Variants in MS4A6A observed in about 807,000 individuals in gnomAD.
MS4A6A encodes membrane-spanning 4-domains subfamily A member 6A.
MS4A6A carries 19 observed loss-of-function variants against 20.6 expected under a neutral mutation model. The observed-to-expected ratio is 0.92, with a 90% CI of 0.64 to 1.36. MS4A6A has a LOEUF of 1.36. Among genes scored for constraint, MS4A6A ranks in the 40% most tolerant of loss-of-function variants. MS4A6A has a pLI of 0.00. For missense variants in MS4A6A, 272 were observed against 261.1 expected (o/e 1.04, Z -0.29); for synonymous variants, 108 against 105.0 (o/e 1.03, Z -0.17).
Position 60,179,836 on chromosome 11 carries a change from AG to A in MS4A6A, c.276del (p.Phe95LeufsTer15). The A allele has an allele frequency of 6.2e-7, 1 of 1,614,128 alleles. No individual in the cohort carries two copies. The highest frequency in any genetic ancestry group is 8.5e-7 in the Non-Finnish European group (1 of 1,180,022). Reference protein sequence around the residue: ...LLNSAYPFIGPFFFIISGSLS... With the variant: ...LLNSAYPFIGXFFFIISGSLS... ...TCCTCAGAAACTCTACTCACAAAAA[AG>A]GGTCCTATGAATGGGTAAGCAGAGT... is the stretch of plus-strand genomic sequence containing the variant. On this transcript the variant is annotated frameshift_variant, in exon 3 of 6. Coordinates refer to ENST00000528851, the MANE Select transcript of MS4A6A (RefSeq NM_022349.4). LOFTEE classifies it high-confidence loss of function.
chr11:60,180,270 T>C (rs780969894), intron 2 of MS4A6A: 42 of 380,098 alleles, frequency 1.1e-4, no homozygotes, highest in Non-Finnish European at 1.6e-4. Context: ...GAGATTTACT[T>C]TCCCAGCTCT....
At position 60,175,517 on chromosome 11, in the gene MS4A6A, G is replaced by T. The variant is rs780600163; in HGVS notation, c.434C>A (p.Ala145Asp). The T allele has an allele frequency of 1.7e-5, 28 of 1,613,968 alleles. No homozygotes were observed. The highest frequency in any genetic ancestry group is 8.0e-5 in the African/African-American group (6 of 74,942). The change falls in exon 5 of 6, where the codon GCC becomes GAC. Residue 145 changes from alanine (A) to aspartate (D), a missense_variant. Transcript: ENST00000528851. ...LSVKQATLNP[A>D]SLQCELDKNN... is the part of the protein sequence containing the mutation. ...TTTGTCCAACTCACACTGCAGTGAG[G>T]CAGGATTTAAGGTGGCCTGTTTGAC...
chr11:60,181,297 A>G, intron 2 of MS4A6A: 1 of 461,032 alleles, frequency 2.2e-6, no homozygotes. Flanking sequence ...ATTTACCACC[A>G]TTACTTTTGT....
chr11:60,184,065 A>T (rs1809492448), upstream of MS4A6A: 1 of 152,314 alleles, frequency 6.6e-6, no homozygotes, highest in Non-Finnish European at 1.5e-5. Flanking sequence ...GAACCCAGAA[A>T]CACAACCTGA....
upstream of MS4A6A, chr11:60,184,416 G>A (rs2083868913): frequency 6.6e-6 from 1 of 152,174 alleles, no homozygotes. Flanking sequence ...CTGTGAAACA[G>A]TGGAATGCAG....
In MS4A6A at chr11:60,174,437, C is replaced by T. The variant is rs143605013; in HGVS notation, c.549+965G>A. 6.3e-3 allele frequency among the ~76,000 whole-genome samples: 959 copies of T among 151,994 alleles called. 11 individuals are homozygous for T. The highest frequency in any genetic ancestry group is 0.021 in the African/African-American group (887 of 41,452). Reference sequence around the variant, plus strand: ...CACCTCCCAGGCTCAGGTAATTCTCCGCCTCAGCCTCCCAAGTAGCTGGGA... The same window carrying T: ...CACCTCCCAGGCTCAGGTAATTCTCTGCCTCAGCCTCCCAAGTAGCTGGGA... On this transcript the variant is annotated intron_variant, in intron 5 of 5. Transcript: ENST00000528851.
In MS4A6A at chr11:60,175,508, T is replaced by G. The variant is rs570232547; in HGVS notation, c.443A>C (p.Gln148Pro). 1.2e-6 allele frequency: 2 copies of G among 1,614,114 alleles called. No individual in the cohort carries two copies. Among genetic ancestry groups the G allele is most frequent in the East Asian group, 2.2e-5 (1 of 44,884 alleles). The change falls in exon 5 of 6, where the codon CAG (glutamine) becomes CCG (proline). Residue 148 changes from glutamine (Q) to proline (P), a missense_variant. Coordinates refer to ENST00000528851, the MANE Select transcript of MS4A6A (RefSeq NM_022349.4). ...KQATLNPASL[Q>P]CELDKNNIPT... The stretch of plus-strand genomic sequence containing the variant: ...TATATTATTTTTGTCCAACTCACAC[T>G]GCAGTGAGGCAGGATTTAAGGTGGC...
intron 3 of MS4A6A, chr11:60,178,687 G>T (rs1856974535): frequency 6.4e-6 from 2 of 310,848 alleles, no homozygotes; most frequent in Admixed American, 4.9e-5. Flanking sequence ...TTACAGAGGA[G>T]AAATCTGGAA....
chr11:60,180,791 C>T (rs1430620427), intron 2 of MS4A6A: 2 of 299,692 alleles, frequency 6.7e-6, no homozygotes, highest in Non-Finnish European at 1.3e-5. Flanking sequence ...AACTGAAGCT[C>T]TGTCTTAGGA....
rs757463480 is a variant in MS4A6A at position 60,175,481 on chromosome 11, G to C, written c.470C>G (p.Pro157Arg). The C allele has an allele frequency of 1.2e-6, 2 of 1,614,086 alleles. No homozygotes were observed. The highest frequency in any genetic ancestry group is 3.3e-5 in the Admixed American group (2 of 60,016). ...AAAGTAAGAAACATAACTTCTTGTT[G>C]GTATATTATTTTTGTCCAACTCACA... ...LQCELDKNNIPTRSYVSYFYH... is the reference protein window; with the variant it reads ...LQCELDKNNIRTRSYVSYFYH... The change falls in exon 5 of 6, where the codon CCA (proline) becomes CGA (arginine). Residue 157 changes from proline (P) to arginine (R), a missense_variant. Transcript: ENST00000528851.
chr11:60,173,250 C>A (rs542733347), intron 5 of MS4A6A, 121 bp from the exon 6 acceptor site: 101 of 838,004 alleles, frequency 1.2e-4, no homozygotes, highest in East Asian at 1.1e-3. Flanking sequence ...GAAAGGACAC[C>A]ATCAGGAAGA....
intron 4 of MS4A6A, 178 bp downstream of exon 4, chr11:60,178,082 G>T: frequency 1.6e-6 from 1 of 618,022 alleles, no homozygotes. Context: ...ACAATAATTG[G>T]AGAAATGTTC....
rs755953291 is a variant in MS4A6A, at chr11:60,178,322, A to G, written c.283-6T>C. On this transcript the variant is annotated splice_polypyrimidine_tract_variant and splice_region_variant and intron_variant, in intron 3 of 5. Transcript: ENST00000528851. ...AGAGAGCCAGAGATGATAAACTAAG[A>G]TAAAAGAGAAAATGGTCAGGTCAGA... 7.4e-6 allele frequency: 12 copies of G among 1,613,258 alleles called. No individual in the cohort carries two copies. Among genetic ancestry groups the G allele is most frequent in the Non-Finnish European group, 4.2e-6 (5 of 1,179,270 alleles).
intron 4 of MS4A6A, chr11:60,177,217 G>T (rs1355736478): frequency 6.6e-6 from 1 of 152,142 alleles, no homozygotes; most frequent in Non-Finnish European, 1.5e-5. Flanking sequence ...CACAGATCTA[G>T]TTAGTAGTTC....
intron 2 of MS4A6A, chr11:60,180,867 T>C (rs1857101284): frequency 3.0e-6 from 1 of 331,356 alleles, no homozygotes; most frequent in Non-Finnish European, 5.9e-6. Flanking sequence ...CCAAAAAGTT[T>C]TCTAGACCTT....
intron 3 of MS4A6A, chr11:60,179,573 C>T: frequency 1.7e-6 from 1 of 587,530 alleles, no homozygotes; most frequent in Non-Finnish European, 3.0e-6. Flanking sequence ...GGAGAGAAGT[C>T]ACTAGCTTCA....
At chr11:60,184,011 C>G (rs1000113673), upstream of MS4A6A, 1 of 152,180 alleles carries the variant, frequency 6.6e-6, no homozygotes, top group African/African-American at 2.4e-5. Flanking sequence ...AAAGCCCCAC[C>G]CTGCAAGCTT....
intron 3 of MS4A6A, 146 bp downstream of exon 3, chr11:60,179,685 T>C: frequency 1.1e-6 from 1 of 881,538 alleles, no homozygotes; most frequent in Non-Finnish European, 1.9e-6. Context: ...ACCCCTGTCA[T>C]CCTACCCGAC....
chr11:60,182,872 C>T (rs2083815113), intron 1 of MS4A6A, 106 bp downstream of exon 1: 2 of 474,044 alleles, frequency 4.2e-6, no homozygotes, highest in Non-Finnish European at 3.2e-6. Context: ...CCAAAAGGCC[C>T]TAGTGTCTCT....
Sources: gnomAD v4.1 joint callset for allele counts (sites outside exome capture counted in the v4.1 genomes callset) on GRCh38, gnomAD v4.1.1 for gene constraint, MANE v1.5 for transcripts, NCBI Gene and HGNC (gene_info 2026-07-23, HGNC 2026-07-21) for gene names.